ADAM22: variants seen among roughly 807,000 people sequenced by gnomAD.
The protein encoded by ADAM22 is ADAM metallopeptidase domain 22, also known as disintegrin and metalloproteinase domain-containing protein 22.
Under a neutral mutation model 144.6 loss-of-function variants are expected in ADAM22, and 65 were observed. The ratio of observed to expected loss-of-function variants is 0.45; its 90% CI spans 0.37 to 0.55. The LOEUF is 0.55. Among genes scored for constraint, ADAM22 ranks in the 20% least tolerant of loss-of-function variants. The pLI is 0.00. For synonymous variants in ADAM22, 391 were observed against 412.6 expected (o/e 0.95, Z 0.63); for missense variants, 974 against 1,184.9 (o/e 0.82, Z 2.61).
intron 2 of ADAM22, among the ~76,000 whole-genome samples, chr7:87,967,807 CA>C (rs35787636): frequency 0.012 from 715 of 60,894 alleles, 3 homozygotes; most frequent in East Asian, 0.069. Context: ...GACTCTGTCT[CA>C]AAAAAAAAAA....
intron 4 of ADAM22, among the ~76,000 whole-genome samples, chr7:88,106,184 T>G (rs1563225439): frequency 6.6e-6 from 1 of 152,150 alleles, no homozygotes; most frequent in Non-Finnish European, 1.5e-5. Context: ...CTGGGTTCCA[T>G]TCCCTGTACA....
At chr7:88,013,499 A>C (rs1194805994) in intron 3 of ADAM22, among the ~76,000 whole-genome samples, 2 of 152,190 alleles carry the variant, frequency 1.3e-5, no homozygotes, top group African/African-American at 2.4e-5. Context: ...GTCATAGCTA[A>C]CTGCAGCCTC....
Position 88,156,170 on chromosome 7 carries a change from G to T in ADAM22, c.1907+164G>T, listed in dbSNP as rs564013963. ...CCTAACAGAGAAGAGATAAAAAGAAGATAAAAAATAGTTGAATGAAGAATA... is the reference window on the plus strand; with the variant it reads ...CCTAACAGAGAAGAGATAAAAAGAATATAAAAAATAGTTGAATGAAGAATA... On this transcript the variant is annotated intron_variant, in intron 22 of 31. Transcript: ENST00000413139. Among the ~76,000 whole-genome samples, 3 of 152,230 alleles carry T rather than the reference G, an allele frequency of 2.0e-5. No homozygotes were observed. In the South Asian group the frequency reaches 6.2e-4, roughly 32 times the overall value.
rs111233379 is a variant in ADAM22 at position 88,126,924 on chromosome 7, G to A, written c.678+1265G>A. Among the ~76,000 whole-genome samples the A allele has an allele frequency of 3.0e-3, 452 of 152,060 alleles. 4 individuals carry two copies. The highest frequency in any genetic ancestry group is 0.011 in the African/African-American group (437 of 41,518). On this transcript the variant is annotated intron_variant, in intron 8 of 31. Coordinates refer to ENST00000413139, the MANE Select transcript of ADAM22 (RefSeq NM_001324418.2). The stretch of plus-strand genomic sequence containing the variant: ...TCCCAAAGCCACATAGGGTGACTCT[G>A]TGGTAGAGCTGGGATTCTGACCTAG...
At chr7:88,017,671 A>C (rs568610690) in intron 3 of ADAM22, among the ~76,000 whole-genome samples, 9 of 152,092 alleles carry the variant, frequency 5.9e-5, no homozygotes, top group African/African-American at 1.9e-4. Flanking sequence ...ATTTACTTCT[A>C]TTCCTTCCAC....
chr7:88,151,695 C>G (rs866971576), intron 20 of ADAM22, among the ~76,000 whole-genome samples: 1 of 152,160 alleles, frequency 6.6e-6, no homozygotes, highest in African/African-American at 2.4e-5. Context: ...GACGTGGACC[C>G]TGGACAGGAC....
chr7:88,190,854 A>G (rs1383955690), intron 30 of ADAM22, among the ~76,000 whole-genome samples: 2 of 151,928 alleles, frequency 1.3e-5, no homozygotes, highest in Non-Finnish European at 2.9e-5. Flanking sequence ...ATGCTGTCAC[A>G]TACCACCCAG....
At chr7:88,044,294 T>C (rs530297118) in intron 3 of ADAM22, among the ~76,000 whole-genome samples, 21 of 152,308 alleles carry the variant, frequency 1.4e-4, no homozygotes, top group African/African-American at 5.1e-4. Context: ...CATCTATGAT[T>C]ATGATGATGA....
intron 2 of ADAM22, among the ~76,000 whole-genome samples, chr7:87,944,598 T>A (rs763462173): frequency 1.6e-4 from 25 of 152,088 alleles, no homozygotes; most frequent in Non-Finnish European, 8.8e-5. Context: ...TGATCTAGGA[T>A]CATCAGATAT....
intron 4 of ADAM22, among the ~76,000 whole-genome samples, chr7:88,091,967 T>G (rs1020938345): frequency 6.6e-6 from 1 of 151,538 alleles, no homozygotes; most frequent in South Asian, 2.1e-4. Context: ...CCCGCTTTTT[T>G]TAAAAACTAT....
chr7:88,113,660 G>GTATATA (rs1161858622), intron 5 of ADAM22, among the ~76,000 whole-genome samples: 1 of 116,682 alleles, frequency 8.6e-6, no homozygotes, highest in African/African-American at 3.9e-5. Context: ...GTATGTGTGT[G>GTATATA]TGTATATATA....
At chr7:88,007,167 G>A (rs1456511458) in intron 3 of ADAM22, among the ~76,000 whole-genome samples, 42 of 152,120 alleles carry the variant, frequency 2.8e-4, no homozygotes, top group Non-Finnish European at 5.0e-4. Context: ...AAGAGAATGA[G>A]ATACTTAGGA....
chr7:88,118,667 A>G lies in ADAM22; in HGVS notation c.607+1853A>G, dbSNP rs150190389. ...TCTATCTATCTATCTATATATATAT[A>G]TATCTTTTTTTTTTTTGAGAAAATC... On this transcript the variant is annotated intron_variant, in intron 7 of 31. Transcript: ENST00000413139. Among the ~76,000 whole-genome samples the G allele has an allele frequency of 5.8e-3, 877 of 150,100 alleles. 8 individuals are homozygous for G. Among genetic ancestry groups the G allele is most frequent in the South Asian group, 0.038 (183 of 4,802 alleles).
At chr7:87,971,506 T>C (rs1391166556) in intron 2 of ADAM22, among the ~76,000 whole-genome samples, 1 of 152,238 alleles carries the variant, frequency 6.6e-6, no homozygotes, top group Non-Finnish European at 1.5e-5. Context: ...AATATTATTC[T>C]GTAATACCTG....
At chr7:87,950,294 C>A in intron 2 of ADAM22, among the ~76,000 whole-genome samples, 1 of 114,754 alleles carries the variant, frequency 8.7e-6, no homozygotes, top group African/African-American at 3.3e-5. Flanking sequence ...CCCCCTCCCC[C>A]CACCCCACAA....
rs71120015 is a variant in ADAM22 at position 87,980,287 on chromosome 7, C to CTTTTTTTTTTTTTTTTTT, written c.323+1887_323+1888insTTTTTTTTTTTTTTTTTT. Reference sequence around the variant, plus strand: ...TGGGCTGAGAAACATGCACTGTGCTCTTTTTTTTTTTTGCCTGGGATCGAT... The same window carrying CTTTTTTTTTTTTTTTTTT: ...TGGGCTGAGAAACATGCACTGTGCTCTTTTTTTTTTTTTTTTTTTTTTTTTTTTTTGCCTGGGATCGAT... On this transcript the variant is annotated intron_variant, in intron 3 of 31. Transcript: ENST00000413139. 2.2e-4 allele frequency among the ~76,000 whole-genome samples: 26 copies of CTTTTTTTTTTTTTTTTTT among 118,418 alleles called. 3 individuals carry two copies. The highest frequency in any genetic ancestry group is 2.8e-4 in the Non-Finnish European group (17 of 60,948). The allele number at this position is 118,418 out of a possible 152,430, so 77.7% of individuals were successfully genotyped here.
At chr7:88,084,898 G>C (rs1345321589) in intron 4 of ADAM22, among the ~76,000 whole-genome samples, 1 of 152,132 alleles carries the variant, frequency 6.6e-6, no homozygotes, top group East Asian at 1.9e-4. Context: ...GGTTTCTGCC[G>C]AGGCCTCTCT....
Position 88,057,962 on chromosome 7 carries a change from T to G in ADAM22, c.324-17664T>G, listed in dbSNP as rs552330294. Among the ~76,000 whole-genome samples the G allele has an allele frequency of 3.3e-5, 5 of 152,320 alleles. No individual in the cohort carries two copies. In the South Asian group the frequency reaches 8.3e-4, roughly 25 times the overall value. On this transcript the variant is annotated intron_variant, in intron 3 of 31. Coordinates refer to ENST00000413139, the MANE Select transcript of ADAM22 (RefSeq NM_001324418.2). Reference sequence around the variant, plus strand: ...ATTTTCCATCATAACGATTATGTGCTCATGATAGAAAAACAAACATTTAAA... The same window carrying G: ...ATTTTCCATCATAACGATTATGTGCGCATGATAGAAAAACAAACATTTAAA...
intron 2 of ADAM22, among the ~76,000 whole-genome samples, chr7:87,954,731 A>G (rs904982425): frequency 1.3e-5 from 2 of 152,176 alleles, no homozygotes; most frequent in Non-Finnish European, 2.9e-5. Flanking sequence ...AATATCCTGC[A>G]GAGTGTTTTC....
Sources: gnomAD v4.1 joint callset for allele counts (sites outside exome capture counted in the v4.1 genomes callset) on GRCh38, gnomAD v4.1.1 for gene constraint, MANE v1.5 for transcripts, NCBI Gene and HGNC (gene_info 2026-07-23, HGNC 2026-07-21) for gene names.